PREP: variants seen among roughly 807,000 people sequenced by gnomAD.
PREP encodes dJ355L5.1 (prolyl endopeptidase).
In PREP, 29 loss-of-function variants were observed where a neutral mutation model predicts 87.6. That is an observed-to-expected ratio of 0.33 (90% confidence interval 0.25 to 0.45). PREP has a LOEUF of 0.45. PREP is among the 20% of genes least tolerant of loss of function. The pLI is 1.00. For missense variants in PREP, 695 were observed against 886.5 expected (o/e 0.78, Z 2.74); for synonymous variants, 337 against 328.6 (o/e 1.03, Z -0.28).
intron 2 of PREP, among the ~76,000 whole-genome samples, chr6:105,388,278 G>A (rs1488168323): frequency 6.6e-6 from 1 of 152,086 alleles, no homozygotes; most frequent in Non-Finnish European, 1.5e-5. Context: ...AAAAAGAGAC[G>A]GCAGGCTGAA....
At chr6:105,336,426 A>G (rs940078588) in intron 7 of PREP, among the ~76,000 whole-genome samples, 2 of 152,226 alleles carry the variant, frequency 1.3e-5, no homozygotes, top group African/African-American at 4.8e-5. Context: ...TCAGTCACAT[A>G]AAAGGTCTAT....
intron 10 of PREP, among the ~76,000 whole-genome samples, chr6:105,296,669 G>C (rs1299961910): frequency 6.6e-6 from 1 of 152,010 alleles, no homozygotes; most frequent in East Asian, 1.9e-4. Flanking sequence ...TGACATTTTT[G>C]AATGGTTCCT....
In PREP at chr6:105,339,009, C is replaced by T. The variant is rs1583065453; in HGVS notation, c.824-5504G>A. ...AGAAACTTCTGCAGACTTAAACATC[C>T]CTGTCTGATAGCTTTGAAGAGAGTA... On this transcript the variant is annotated intron_variant, in intron 7 of 14. Transcript: ENST00000652536. Among the ~76,000 whole-genome samples, 4 of 152,344 alleles carry T rather than the reference C, an allele frequency of 2.6e-5. 1 individual carries two copies. Among genetic ancestry groups the T allele is most frequent in the Admixed American group, 2.6e-4 (4 of 15,298 alleles).
At chr6:105,355,814 T>C (rs1241680245) in intron 6 of PREP, among the ~76,000 whole-genome samples, 2 of 152,224 alleles carry the variant, frequency 1.3e-5, no homozygotes, top group African/African-American at 2.4e-5. Context: ...GATTGTCCTG[T>C]CTTCAACTTT....
intron 7 of PREP, among the ~76,000 whole-genome samples, chr6:105,347,751 AC>A (rs1771835723): frequency 6.6e-6 from 1 of 152,008 alleles, no homozygotes; most frequent in African/African-American, 2.4e-5. Context: ...AGTGGCTCAC[AC>A]CTGTAATCCC....
intron 10 of PREP, among the ~76,000 whole-genome samples, chr6:105,301,194 G>A (rs1770529871): frequency 6.6e-6 from 1 of 152,220 alleles, no homozygotes; most frequent in Admixed American, 6.5e-5. Flanking sequence ...AATGTCTGGT[G>A]ATAGCAACTC....
intron 2 of PREP, among the ~76,000 whole-genome samples, chr6:105,391,313 C>T (rs1773139784): frequency 6.6e-6 from 1 of 152,090 alleles, no homozygotes; most frequent in Admixed American, 6.6e-5. Context: ...ACCCAGGAAG[C>T]AGTGGTTGCA....
intron 2 of PREP, among the ~76,000 whole-genome samples, chr6:105,387,536 GGGCCACACTGGAAGAAGAATTGTCACA>G: frequency 6.6e-6 from 1 of 151,350 alleles, no homozygotes; most frequent in African/African-American, 2.4e-5. Flanking sequence ...TGGCTTCCCT[GGGCCACACTGGAAGAAGAATTGTCACA>G]GGCCACACAT....
chr6:105,319,253 T>C (rs1770946244), intron 10 of PREP, among the ~76,000 whole-genome samples: 1 of 152,252 alleles, frequency 6.6e-6, no homozygotes, highest in Admixed American at 6.5e-5. Flanking sequence ...TAACTACTTA[T>C]AAAATCTTTA....
Position 105,277,983 on chromosome 6 carries a change from TA to T in PREP, c.*160del. 2 of 1,035,984 alleles carry T rather than the reference TA, an allele frequency of 1.9e-6. No homozygotes were observed. The allele number at this position is 1,035,984 out of a possible 1,614,324, so 64.2% of individuals were successfully genotyped here. A position where few individuals can be genotyped will look rare whatever the true frequency, so the allele number is the denominator to read the frequency against. ...AAGGCCTTGCTAAAAAGGAGAAGCCTAAAAAAGATAAAATTCCCACGGCAGT... is the reference window on the plus strand; with the variant it reads ...AAGGCCTTGCTAAAAAGGAGAAGCCTAAAAAGATAAAATTCCCACGGCAGT... On this transcript the variant is annotated 3_prime_UTR_variant, in exon 15 of 15. Transcript: ENST00000652536.
chr6:105,288,330 T>C (rs563359187), intron 11 of PREP, among the ~76,000 whole-genome samples: 1 of 152,330 alleles, frequency 6.6e-6, no homozygotes, highest in African/African-American at 2.4e-5. Context: ...TGCCCGTCTA[T>C]GAAAACAAGC....
At chr6:105,374,602 T>G (rs1160221238) in intron 4 of PREP, among the ~76,000 whole-genome samples, 1 of 126,016 alleles carries the variant, frequency 7.9e-6, no homozygotes. Context: ...TCACCTTTTA[T>G]TCTACATAGC....
intron 8 of PREP, 76 bp from the exon 9 acceptor site, chr6:105,329,102 C>T: frequency 7.3e-7 from 1 of 1,366,254 alleles, no homozygotes; most frequent in Non-Finnish European, 1.0e-6. Flanking sequence ...AGCAACAGTT[C>T]CAGAGCTACA....
intron 10 of PREP, among the ~76,000 whole-genome samples, chr6:105,308,507 G>T (rs1770696636): frequency 6.6e-6 from 1 of 152,024 alleles, no homozygotes; most frequent in Non-Finnish European, 1.5e-5. Flanking sequence ...ATAAACTATG[G>T]CCTAAAATAA....
At chr6:105,375,425 C>G (rs932254559) in intron 4 of PREP, among the ~76,000 whole-genome samples, 1 of 152,170 alleles carries the variant, frequency 6.6e-6, no homozygotes, top group African/African-American at 2.4e-5. Flanking sequence ...TATTAAAATA[C>G]AGAACTGGAG....
chr6:105,402,743 G>T, intron 1 of PREP, 104 bp downstream of exon 1: 1 of 1,087,568 alleles, frequency 9.2e-7, no homozygotes, highest in Admixed American at 2.4e-5. Context: ...GGGGAGGGAC[G>T]CGGGGGTCGA....
At chr6:105,397,448 T>A (rs1054200477) in intron 2 of PREP, among the ~76,000 whole-genome samples, 2 of 152,210 alleles carry the variant, frequency 1.3e-5, no homozygotes, top group African/African-American at 4.8e-5. Context: ...CAGTGTTCAG[T>A]TTTCATGACC....
chr6:105,279,866 T>C (rs1770040599), intron 14 of PREP, among the ~76,000 whole-genome samples: 1 of 152,248 alleles, frequency 6.6e-6, no homozygotes, highest in Non-Finnish European at 1.5e-5. Flanking sequence ...TTCAATTAAC[T>C]CAGTATTTTC....
At chr6:105,373,282 C>T in intron 5 of PREP, 87 bp downstream of exon 5, 2 of 1,410,328 alleles carry the variant, frequency 1.4e-6, no homozygotes, top group Non-Finnish European at 2.0e-6. Context: ...CACACAACCT[C>T]TATGTAGGGT....
Sources: gnomAD v4.1 joint callset for allele counts (sites outside exome capture counted in the v4.1 genomes callset) on GRCh38, gnomAD v4.1.1 for gene constraint, MANE v1.5 for transcripts, NCBI Gene and HGNC (gene_info 2026-07-23, HGNC 2026-07-21) for gene names.